Variants in DLAT observed in about 807,000 individuals in gnomAD.
DLAT encodes dihydrolipoyllysine-residue acetyltransferase component of pyruvate dehydrogenase complex, mitochondrial.
In DLAT, 43 loss-of-function variants were observed where a neutral mutation model predicts 68.0. That is an observed-to-expected ratio of 0.63 (90% CI 0.50 to 0.81). DLAT has a LOEUF of 0.81. DLAT is among the 40% of genes least tolerant of loss of function. DLAT has a pLI of 0.00. For missense variants in DLAT, 745 were observed against 815.4 expected, an observed-to-expected ratio of 0.91 and a Z score of 1.05; for synonymous variants, 265 against 288.6, an observed-to-expected ratio of 0.92 and a Z score of 0.83.
chr11:112,055,523 C>A (rs985077637), intron 11 of DLAT, among the ~76,000 whole-genome samples: 1 of 151,746 alleles, frequency 6.6e-6, no homozygotes. Context: ...GGATTACAGG[C>A]GTGAGCCACC....
chr11:112,039,531 C>A, intron 7 of DLAT, 134 bp downstream of exon 7: 1 of 941,380 alleles, frequency 1.1e-6, no homozygotes, highest in Non-Finnish European at 1.6e-6. Context: ...ATAATTCCTT[C>A]AGAAGGGAGA....
chr11:112,060,790 C>T (rs189985197), intron 12 of DLAT, among the ~76,000 whole-genome samples: 3 of 152,206 alleles, frequency 2.0e-5, no homozygotes, highest in African/African-American at 7.2e-5. Context: ...TATTGACACA[C>T]CGTTCTGAAA....
At chr11:112,032,374 G>A (rs1862461428) in intron 4 of DLAT, 1 of 151,916 alleles carries the variant, frequency 6.6e-6, no homozygotes, top group Non-Finnish European at 1.5e-5. Flanking sequence ...TGGCTAGATT[G>A]AGCTAATTTA....
In DLAT at chr11:112,033,577, T is replaced by A. The variant is rs202116727; in HGVS notation, c.787+47T>A. ...ATGGTTGAGGCACTGAGTTTCCCAA[T>A]GAGGAAGAGGATTGCCATTCTTTCC... On this transcript the variant is annotated intron_variant, in intron 5 of 13. Transcript: ENST00000280346. The A allele has an allele frequency of 4.9e-5, 79 of 1,609,074 alleles. No homozygotes were observed. In the Middle Eastern group the frequency reaches 6.7e-4, roughly 14 times the overall value.
Position 112,064,226 on chromosome 11 carries a change from A to G in DLAT, c.*1691A>G. On this transcript the variant is annotated 3_prime_UTR_variant, in exon 14 of 14. Transcript: ENST00000280346. Reference sequence around the variant, plus strand: ...TGCTTGTGGTTCTGTTGTTCCCTTGAAAAAAAATAAAAACAGTTGCCTTCT... The same window carrying G: ...TGCTTGTGGTTCTGTTGTTCCCTTGGAAAAAAATAAAAACAGTTGCCTTCT... The G allele has an allele frequency of 1.9e-6, 3 of 1,546,280 alleles. No individual in the cohort carries two copies. The highest frequency in any genetic ancestry group is 2.6e-6 in the Non-Finnish European group (3 of 1,148,006).
chr11:112,055,209 A>G (rs1190551293), intron 11 of DLAT, among the ~76,000 whole-genome samples: 1 of 148,066 alleles, frequency 6.8e-6, no homozygotes, highest in Non-Finnish European at 1.5e-5. Flanking sequence ...AGGCATTGAC[A>G]GTCTTCCGTA....
chr11:112,032,938 G>A (rs899596719), intron 4 of DLAT, among the ~76,000 whole-genome samples: 10 of 152,036 alleles, frequency 6.6e-5, no homozygotes, highest in African/African-American at 2.4e-5. Context: ...GATGGCACCC[G>A]CCTGTAATCC....
At chr11:112,047,569 G>A (rs1288685221) in intron 10 of DLAT, among the ~76,000 whole-genome samples, 1 of 152,142 alleles carries the variant, frequency 6.6e-6, no homozygotes. Context: ...TATTGCCTAG[G>A]TTTTCTTCTA....
At chr11:112,037,519 T>C in intron 6 of DLAT, 59 bp downstream of exon 6, 1 of 1,543,294 alleles carries the variant, frequency 6.5e-7, no homozygotes, top group Non-Finnish European at 8.9e-7. Flanking sequence ...AATTAAGGAG[T>C]TTTGATTAGA....
intron 5 of DLAT, among the ~76,000 whole-genome samples, chr11:112,036,206 T>TTG (rs1862760012): frequency 4.5e-5 from 2 of 44,562 alleles, no homozygotes; most frequent in African/African-American, 1.4e-4. Flanking sequence ...TGTGTGTTTT[T>TTG]TTTTTTTTTT....
chr11:112,058,613 G>A (rs1399754541), intron 11 of DLAT, among the ~76,000 whole-genome samples: 3 of 108,236 alleles, frequency 2.8e-5, no homozygotes, highest in African/African-American at 1.1e-4. Context: ...TTGGGGTGGG[G>A]GAAGGGGGGG....
At chr11:112,045,296 A>G in intron 9 of DLAT, 66 bp downstream of exon 9, 1 of 1,305,294 alleles carries the variant, frequency 7.7e-7, no homozygotes, top group South Asian at 1.2e-5. Flanking sequence ...AGTTGCTTCC[A>G]TAGTTTTTAA....
At chr11:112,027,787 G>T (rs1555179526) in intron 2 of DLAT, among the ~76,000 whole-genome samples, 1 of 152,176 alleles carries the variant, frequency 6.6e-6, no homozygotes, top group Non-Finnish European at 1.5e-5. Context: ...GCAATCGCAG[G>T]CACTCAGCAG....
intron 7 of DLAT, among the ~76,000 whole-genome samples, chr11:112,040,579 ATTTGCTATCTTGTAG>A (rs1863000925): frequency 6.6e-6 from 1 of 152,124 alleles, no homozygotes; most frequent in Admixed American, 6.6e-5. Flanking sequence ...CGTATCTGCA[ATTTGCTATCTTGTAG>A]TTAGAAGTCA....
chr11:112,034,504 G>A (rs1178816930), intron 5 of DLAT, among the ~76,000 whole-genome samples: 14 of 151,106 alleles, frequency 9.3e-5, no homozygotes, highest in South Asian at 2.1e-4. Context: ...GTGCAGTGGC[G>A]CAGTCTCAGC....
At chr11:112,045,639 G>C (rs1863273573) in intron 9 of DLAT, among the ~76,000 whole-genome samples, 1 of 150,620 alleles carries the variant, frequency 6.6e-6, no homozygotes, top group Non-Finnish European at 1.5e-5. Flanking sequence ...GGTGAGCCGA[G>C]ATCGCACCAC....
At chr11:112,048,886 A>G (rs1008123913) in intron 10 of DLAT, among the ~76,000 whole-genome samples, 5 of 151,812 alleles carry the variant, frequency 3.3e-5, no homozygotes, top group Non-Finnish European at 7.4e-5. Context: ...CCTTAATGTC[A>G]GTACCACAGT....
chr11:112,050,039 C>T (rs1221106818), intron 10 of DLAT, among the ~76,000 whole-genome samples: 1 of 152,128 alleles, frequency 6.6e-6, no homozygotes, highest in Non-Finnish European at 1.5e-5. Flanking sequence ...GAGCAAGTTC[C>T]CTCCTGTTCC....
chr11:112,025,417 G>T lies in DLAT; in HGVS notation c.-56G>T. ...GGCTGACGGCAACGCCGCTGCTCTT[G>T]GAGAGGTCACTCCGGAGACGGCGTT... is the stretch of plus-strand genomic sequence containing the variant. On this transcript the variant is annotated 5_prime_UTR_variant, in exon 1 of 14. Coordinates refer to ENST00000280346, the MANE Select transcript of DLAT (RefSeq NM_001931.5). The T allele has an allele frequency of 6.3e-7, 1 of 1,576,436 alleles. No homozygotes were observed. The highest frequency in any genetic ancestry group is 8.6e-7 in the Non-Finnish European group (1 of 1,166,264).
Sources: allele counts gnomAD v4.1 joint callset (sites outside exome capture counted in the v4.1 genomes callset), GRCh38; gene constraint gnomAD v4.1.1; transcripts MANE v1.5; gene names NCBI Gene and HGNC (gene_info 2026-07-23, HGNC 2026-07-21).